The following GRID2 variants were observed in gnomAD, a reference collection of about 807,000 sequenced individuals.
The protein encoded by GRID2 is glutamate ionotropic receptor delta type subunit 2.
GRID2 carries 33 observed loss-of-function variants against 114.8 expected under a neutral mutation model. The observed-to-expected ratio is 0.29, with a 90% CI of 0.22 to 0.38. The LOEUF is 0.38. Among genes scored for constraint, GRID2 ranks in the 10% least tolerant of loss-of-function variants. The pLI is 1.00. For missense variants in GRID2, 1,184 were observed against 1,257.7 expected (o/e 0.94, Z 0.89); for synonymous variants, 505 against 449.9 (o/e 1.12, Z -1.55).
intron 1 of GRID2, among the ~76,000 whole-genome samples, chr4:92,315,731 G>A (rs1476793879): frequency 6.6e-6 from 1 of 152,070 alleles, no homozygotes; most frequent in Non-Finnish European, 1.5e-5. Context: ...AACACTTCGG[G>A]AGGCTGAGGC....
intron 2 of GRID2, among the ~76,000 whole-genome samples, chr4:92,876,817 G>C (rs552220825): frequency 9.2e-5 from 14 of 152,248 alleles, no homozygotes; most frequent in Admixed American, 2.0e-4. Context: ...CAAGTAGCAA[G>C]CTAATTCCAA....
intron 14 of GRID2, among the ~76,000 whole-genome samples, chr4:93,661,484 A>C (rs2870728): frequency 2.6e-5 from 4 of 152,152 alleles, no homozygotes; most frequent in Admixed American, 1.3e-4. Context: ...TTATGGAGAA[A>C]ATATGTGTGT....
intron 2 of GRID2, among the ~76,000 whole-genome samples, chr4:92,604,098 A>C (rs1192871736): frequency 6.6e-6 from 1 of 152,110 alleles, no homozygotes; most frequent in Non-Finnish European, 1.5e-5. Context: ...TGGGAATGCA[A>C]ATCAGTTCAA....
chr4:92,564,582 T>C (rs2060676), intron 1 of GRID2, among the ~76,000 whole-genome samples: 32,746 of 151,864 alleles, frequency 0.22, 3,859 homozygotes, highest in South Asian at 0.29. Context: ...TTCTATCCCT[T>C]ATCAGTACTG....
At chr4:93,031,067 C>T (rs753995049) in intron 2 of GRID2, among the ~76,000 whole-genome samples, 12 of 138,714 alleles carry the variant, frequency 8.7e-5, no homozygotes, top group African/African-American at 1.1e-4. Context: ...CATGGAGTCT[C>T]GCTCTGTCGC....
intron 13 of GRID2, among the ~76,000 whole-genome samples, chr4:93,615,217 A>T (rs1238865845): frequency 6.6e-6 from 1 of 152,220 alleles, no homozygotes; most frequent in Non-Finnish European, 1.5e-5. Flanking sequence ...CTTTGATTCT[A>T]CAAGCTTTCT....
chr4:92,846,925 C>T (rs1436749211), intron 2 of GRID2, among the ~76,000 whole-genome samples: 1 of 152,004 alleles, frequency 6.6e-6, no homozygotes, highest in Non-Finnish European at 1.5e-5. Flanking sequence ...ATTGATGAGC[C>T]CTGAATCCTA....
At chr4:93,191,239 T>C (rs1356093711) in intron 4 of GRID2, among the ~76,000 whole-genome samples, 1 of 152,052 alleles carries the variant, frequency 6.6e-6, no homozygotes, top group African/African-American at 2.4e-5. Flanking sequence ...GTATGTATGA[T>C]GAAAAACCAT....
chr4:93,600,911 G>A (rs1278801542), intron 13 of GRID2, among the ~76,000 whole-genome samples: 2 of 152,178 alleles, frequency 1.3e-5, no homozygotes, highest in African/African-American at 2.4e-5. Context: ...ACTAGCCAGA[G>A]TCAGAAGAGT....
In GRID2 at chr4:93,192,049, TA is replaced by T. The variant is rs138627549; in HGVS notation, c.736-15353del. 9.7e-3 allele frequency among the ~76,000 whole-genome samples: 1,482 copies of T among 152,314 alleles called. 28 individuals carry two copies. The highest frequency in any genetic ancestry group is 0.034 in the African/African-American group (1,410 of 41,568). On this transcript the variant is annotated intron_variant, in intron 4 of 15. Transcript: ENST00000282020. ...ATTTGAAGACTTGATGGTGATTGGATAATGTTCCATTTTATTTTCACTGGGG... is the reference window on the plus strand; with the variant it reads ...ATTTGAAGACTTGATGGTGATTGGATATGTTCCATTTTATTTTCACTGGGG...
chr4:93,249,800 A>G (rs1474418540), intron 8 of GRID2, among the ~76,000 whole-genome samples: 1 of 152,100 alleles, frequency 6.6e-6, no homozygotes, highest in African/African-American at 2.4e-5. Context: ...ACGAGATACC[A>G]TCTCATGCCC....
chr4:92,657,738 T>A (rs1732318168), intron 2 of GRID2, among the ~76,000 whole-genome samples: 1 of 151,848 alleles, frequency 6.6e-6, no homozygotes, highest in Admixed American at 6.6e-5. Context: ...ATTTTGTTTT[T>A]ATTTTTTATT....
chr4:93,343,286 T>G, intron 8 of GRID2, among the ~76,000 whole-genome samples: 1 of 152,180 alleles, frequency 6.6e-6, no homozygotes, highest in African/African-American at 2.4e-5. Flanking sequence ...CATTCACATC[T>G]GACTATTTGA....
chr4:93,309,364 G>A (rs553490637), intron 8 of GRID2, among the ~76,000 whole-genome samples: 39 of 152,150 alleles, frequency 2.6e-4, no homozygotes, highest in Admixed American at 2.3e-3. Flanking sequence ...GCGAAACCCT[G>A]TCTCTGTTAA....
At chr4:93,234,182 G>A (rs1322312366) in intron 7 of GRID2, among the ~76,000 whole-genome samples, 1 of 151,986 alleles carries the variant, frequency 6.6e-6, no homozygotes, top group Non-Finnish European at 1.5e-5. Flanking sequence ...TTTAAAAACT[G>A]TCATCCATGC....
intron 2 of GRID2, among the ~76,000 whole-genome samples, chr4:92,818,860 ATC>A (rs1311714898): frequency 6.6e-6 from 1 of 152,148 alleles, no homozygotes; most frequent in Non-Finnish European, 1.5e-5. Flanking sequence ...CATGAATAAT[ATC>A]TTGAAGCCCA....
chr4:93,052,580 A>G (rs747106472), intron 2 of GRID2, among the ~76,000 whole-genome samples: 2 of 151,986 alleles, frequency 1.3e-5, no homozygotes, highest in Non-Finnish European at 2.9e-5. Flanking sequence ...ACATATCTAT[A>G]TGTAGAAAAG....
At chr4:92,837,334 G>A (rs748974363) in intron 2 of GRID2, among the ~76,000 whole-genome samples, 8 of 151,980 alleles carry the variant, frequency 5.3e-5, no homozygotes, top group Non-Finnish European at 1.2e-4. Context: ...AAGACCAGAA[G>A]GGTCCATTTC....
intron 2 of GRID2, among the ~76,000 whole-genome samples, chr4:92,758,989 T>A (rs1737858993): frequency 6.6e-6 from 1 of 152,172 alleles, no homozygotes; most frequent in Admixed American, 6.5e-5. Flanking sequence ...CCTAGGAGAA[T>A]CAATTTTTAA....
Sources: allele counts gnomAD v4.1 joint callset (sites outside exome capture counted in the v4.1 genomes callset), GRCh38; gene constraint gnomAD v4.1.1; transcripts MANE v1.5; gene names NCBI Gene and HGNC (gene_info 2026-07-23, HGNC 2026-07-21).